ALK: variants seen among roughly 807,000 people sequenced by gnomAD.
The protein encoded by ALK is ALK tyrosine kinase receptor.
ALK carries 74 observed loss-of-function variants against 163.1 expected under a neutral mutation model. The ratio of observed to expected loss-of-function variants is 0.45; its 90% confidence interval spans 0.38 to 0.55. The LOEUF (loss-of-function observed/expected upper bound fraction) is 0.55. Ranked by LOEUF, ALK falls within the 20% of genes least tolerant of loss-of-function variation. ALK has a pLI of 0.00. For synonymous variants in ALK, 960 were observed against 843.2 expected, an observed-to-expected ratio of 1.14 and a Z score of -2.40; for missense variants, 2,063 against 2,105.3, an observed-to-expected ratio of 0.98 and a Z score of 0.39.
intron 23 of ALK, 67 bp downstream of exon 23, chr2:29,220,639 C>T (rs2148166086): frequency 6.2e-7 from 1 of 1,609,482 alleles, no homozygotes. Flanking sequence ...GCTGCCCACT[C>T]TTGCTCCTTC....
Position 29,449,235 on chromosome 2 carries a change from A to G in ALK, c.1155-65376T>C, listed in dbSNP as rs533731223. ...ATAAGATATGGAATGTGCTCTCACA[A>G]TATAGTATGGTACCGGACACAAGTC... On this transcript the variant is annotated intron_variant, in intron 4 of 28. Coordinates refer to ENST00000389048, the MANE Select transcript of ALK (RefSeq NM_004304.5). 1.1e-4 allele frequency among the ~76,000 whole-genome samples: 16 copies of G among 152,322 alleles called. No individual in the cohort carries two copies. In the South Asian group the frequency reaches 3.3e-3, roughly 32 times the overall value.
At chr2:29,218,451 G>C (rs1669698359) in intron 23 of ALK, among the ~76,000 whole-genome samples, 1 of 151,586 alleles carries the variant, frequency 6.6e-6, no homozygotes, top group Admixed American at 6.6e-5. Context: ...GGGGTAGTGA[G>C]AGAGAGAGAA....
chr2:29,653,136 G>C (rs919823596), intron 3 of ALK, among the ~76,000 whole-genome samples: 17 of 152,118 alleles, frequency 1.1e-4, no homozygotes, highest in African/African-American at 3.9e-4. Flanking sequence ...TACCCAGCTG[G>C]TGTTTGCTGC....
At chr2:29,876,317 G>A (rs1477872473) in intron 1 of ALK, among the ~76,000 whole-genome samples, 1 of 152,104 alleles carries the variant, frequency 6.6e-6, no homozygotes, top group African/African-American at 2.4e-5. Flanking sequence ...TGGTGGTGAT[G>A]GTGATGGTGG....
chr2:29,376,550 T>C (rs953898083), intron 5 of ALK, among the ~76,000 whole-genome samples: 3 of 152,226 alleles, frequency 2.0e-5, no homozygotes, highest in Admixed American at 6.5e-5. Flanking sequence ...GCTCAGAAAC[T>C]GTCTGTGGCA....
intron 3 of ALK, among the ~76,000 whole-genome samples, chr2:29,584,844 T>C (rs966886490): frequency 6.6e-6 from 1 of 152,268 alleles, no homozygotes; most frequent in African/African-American, 2.4e-5. Flanking sequence ...TTGGTGTCTC[T>C]TTAAGGATCC....
At chr2:29,209,542 C>CAAAA (rs76343130) in intron 25 of ALK, among the ~76,000 whole-genome samples, 2 of 80,146 alleles carry the variant, frequency 2.5e-5, no homozygotes, top group African/African-American at 3.8e-5. Context: ...AACTCCGTCT[C>CAAAA]AAAAAAAAAA....
chr2:29,919,217 G>A (rs1667916794), intron 1 of ALK, among the ~76,000 whole-genome samples: 1 of 152,202 alleles, frequency 6.6e-6, no homozygotes, highest in Non-Finnish European at 1.5e-5. Flanking sequence ...AAGAATCAGA[G>A]GGGAAAGGAG....
At chr2:29,344,855 G>T (rs1004903774) in intron 5 of ALK, among the ~76,000 whole-genome samples, 1 of 152,138 alleles carries the variant, frequency 6.6e-6, no homozygotes, top group African/African-American at 2.4e-5. Flanking sequence ...CTCAAAGAGT[G>T]GGTAAGAATT....
At chr2:29,661,732 G>A (rs1677354077) in intron 3 of ALK, among the ~76,000 whole-genome samples, 1 of 152,140 alleles carries the variant, frequency 6.6e-6, no homozygotes, top group African/African-American at 2.4e-5. Context: ...TCTGGTCCTT[G>A]TGTTCACTCT....
At chr2:29,582,626 C>T (rs1674740491) in intron 3 of ALK, among the ~76,000 whole-genome samples, 1 of 152,164 alleles carries the variant, frequency 6.6e-6, no homozygotes, top group Non-Finnish European at 1.5e-5. Flanking sequence ...GAACATTTAC[C>T]TGCACAGTCA....
intron 1 of ALK, among the ~76,000 whole-genome samples, chr2:29,875,776 C>A (rs1482450446): frequency 6.6e-6 from 1 of 152,162 alleles, no homozygotes; most frequent in East Asian, 1.9e-4. Context: ...TTTTTTATGG[C>A]TGCATAGTAT....
intron 4 of ALK, among the ~76,000 whole-genome samples, chr2:29,440,096 T>C (rs1181625517): frequency 1.3e-5 from 2 of 151,738 alleles, no homozygotes; most frequent in Non-Finnish European, 2.9e-5. Flanking sequence ...TAGCCGGACG[T>C]ACTGGTGAGT....
At chr2:29,339,632 A>C (rs567045225) in intron 5 of ALK, among the ~76,000 whole-genome samples, 39 of 152,354 alleles carry the variant, frequency 2.6e-4, no homozygotes, top group African/African-American at 7.5e-4. Flanking sequence ...ACCACTTGGC[A>C]GGCTGCTGTT....
chr2:29,269,557 C>T (rs1039413482), intron 11 of ALK, among the ~76,000 whole-genome samples: 2 of 152,124 alleles, frequency 1.3e-5, no homozygotes, highest in Non-Finnish European at 2.9e-5. Context: ...ATTGGGAGGG[C>T]GCCGAACGTG....
intron 3 of ALK, among the ~76,000 whole-genome samples, chr2:29,551,007 A>G (rs986205969): frequency 6.6e-6 from 1 of 152,176 alleles, no homozygotes; most frequent in African/African-American, 2.4e-5. Flanking sequence ...TTAAACAATT[A>G]GGTTGTTTCC....
At chr2:29,293,503 T>A (rs376958994) in intron 9 of ALK, among the ~76,000 whole-genome samples, 1 of 152,184 alleles carries the variant, frequency 6.6e-6, no homozygotes, top group Admixed American at 6.5e-5. Context: ...TGTGGGTACA[T>A]ATAGAGTATA....
rs1293978616 is a variant in ALK at position 29,275,086 on chromosome 2, G to A, written c.2041+13C>T. 7 of 1,613,956 alleles carry A rather than the reference G, an allele frequency of 4.3e-6. No individual in the cohort carries two copies. Among genetic ancestry groups the A allele is most frequent in the Non-Finnish European group, 5.9e-6 (7 of 1,180,014 alleles). The stretch of plus-strand genomic sequence containing the variant: ...GAAGTTACTGTGCTCACATTTGTGA[G>A]CTGAACCCTTACCTGTAGGGTCAAA... On this transcript the variant is annotated intron_variant, in intron 11 of 28. Coordinates refer to ENST00000389048, the MANE Select transcript of ALK (RefSeq NM_004304.5).
intron 5 of ALK, among the ~76,000 whole-genome samples, chr2:29,367,706 T>C (rs1668540436): frequency 6.6e-6 from 1 of 152,156 alleles, no homozygotes; most frequent in Non-Finnish European, 1.5e-5. Flanking sequence ...TTCTAGATGT[T>C]GTGTATTGAA....
Sources: allele counts gnomAD v4.1 joint callset (sites outside exome capture counted in the v4.1 genomes callset), GRCh38; gene constraint gnomAD v4.1.1; transcripts MANE v1.5; gene names NCBI Gene and HGNC (gene_info 2026-07-23, HGNC 2026-07-21).